Variants in HMCN1 observed in about 807,000 individuals in gnomAD.
HMCN1 encodes the protein hemicentin 1, also known as hemicentin-1.
HMCN1 carries 321 observed loss-of-function variants against 625.9 expected under a neutral mutation model. The ratio of observed to expected loss-of-function variants is 0.51; its 90% confidence interval spans 0.47 to 0.56. The LOEUF (loss-of-function observed/expected upper bound fraction) is 0.56, where lower values mean the gene tolerates loss of function less well. Among genes scored for constraint, HMCN1 ranks in the 20% least tolerant of loss-of-function variants. The pLI is 0.00. For synonymous variants in HMCN1, 2,425 were observed against 2,417.6 expected (o/e 1.00, Z -0.09); for missense variants, 6,588 against 6,887.3 (o/e 0.96, Z 1.54).
chr1:186,136,921 G>A lies in HMCN1; in HGVS notation c.13566G>A (p.Val4522=). 6.2e-7 allele frequency: 1 copy of A among 1,613,690 alleles called. No individual in the cohort carries two copies. Among genetic ancestry groups the A allele is most frequent in the South Asian group, 1.1e-5 (1 of 91,084 alleles). Residue 4522 remains valine, a synonymous_variant, in exon 87 of 107, where the codon GTG becomes GTA. Transcript: ENST00000271588. ...RNLMGSVLVR[V]PVIVQVHGGF... is the part of the protein sequence containing the mutation. ...TAATGGGTTCTGTCCTTGTCAGAGT[G>A]CCAGTCATAGTCCAGGGTGAGTGTG...
chr1:185,753,588 T>G (rs1654950124), intron 1 of HMCN1, among the ~76,000 whole-genome samples: 1 of 152,216 alleles, frequency 6.6e-6, no homozygotes, highest in Non-Finnish European at 1.5e-5. Flanking sequence ...AACTTCGTCA[T>G]TTATTTTCAT....
At chr1:186,123,258 C>T (rs1661484440) in intron 81 of HMCN1, 38 bp downstream of exon 81, 2 of 1,593,510 alleles carry the variant, frequency 1.3e-6, no homozygotes, top group African/African-American at 1.3e-5. Flanking sequence ...GTCTGCTGCA[C>T]TACCATGGCA....
Position 186,079,310 on chromosome 1 carries a change from C to T in HMCN1, c.8599+1090C>T, listed in dbSNP as rs147386960. ...CAGCTTAACTCTTTCTCTCTGGGGA[C>T]GAGCTGGTTCCTGCCTGCCTTAAAG... is the stretch of plus-strand genomic sequence containing the variant. On this transcript the variant is annotated intron_variant, in intron 55 of 106. Transcript: ENST00000271588. Among the ~76,000 whole-genome samples, 58 of 152,250 alleles carry T rather than the reference C, an allele frequency of 3.8e-4. No individual in the cohort carries two copies. The East Asian group carries it at 7.7e-3, about 20-fold the overall frequency.
In HMCN1 at chr1:186,037,976, C is replaced by A; in HGVS notation, c.5792C>A (p.Thr1931Asn). ...GATGCTGGAAAAATGCTGAATGAGA[C>A]TGTGTTGGTGAGCAACCCTGTACAG... ...LEDAGKMLNE[T>N]VLVSNPVQLE... Residue 1931 changes from threonine (T) to asparagine (N), a missense_variant, in exon 37 of 107, where the codon ACT becomes AAT. Thr to Asn is a moderately conservative substitution (Grantham distance 65, BLOSUM62 0). Around this residue, in one of 3 missense-constraint regions of HMCN1, gnomAD observed 4,628 missense variants for 4,853.1 expected, o/e 0.95. Transcript: ENST00000271588. 1 of 1,613,332 alleles carries A rather than the reference C, an allele frequency of 6.2e-7. No homozygotes were observed. Among genetic ancestry groups the A allele is most frequent in the Non-Finnish European group, 8.5e-7 (1 of 1,179,440 alleles).
intron 106 of HMCN1, among the ~76,000 whole-genome samples, chr1:186,188,305 G>T (rs1223754556): frequency 6.6e-6 from 1 of 152,184 alleles, no homozygotes; most frequent in African/African-American, 2.4e-5. Flanking sequence ...TTGATGGAGT[G>T]ATAGAGCCTG....
chr1:186,137,897 T>C lies in HMCN1; in HGVS notation c.13849T>C (p.Ser4617Pro). 1 of 1,614,050 alleles carries C rather than the reference T, an allele frequency of 6.2e-7. No individual in the cohort carries two copies. The highest frequency in any genetic ancestry group is 8.5e-7 in the Non-Finnish European group (1 of 1,179,978). Residue 4617 changes from serine to proline, a missense_variant, in exon 89 of 107, where the codon TCA (serine) becomes CCA (proline). Transcript: ENST00000271588. ...QTRTRTCNNP[S>P]VQHGGRPCEG... ...CAGGACCAGGACTTGCAATAATCCA[T>C]CAGTTCAGCATGGTGGGCGGCCATG...
At chr1:186,098,112 CA>C (rs1358711828) in intron 68 of HMCN1, among the ~76,000 whole-genome samples, 1 of 151,796 alleles carries the variant, frequency 6.6e-6, no homozygotes, top group Admixed American at 6.6e-5. Context: ...GATGAAAACA[CA>C]GAGGAAACAC....
chr1:186,006,467 A>G (rs902579898), intron 29 of HMCN1, among the ~76,000 whole-genome samples: 1 of 152,170 alleles, frequency 6.6e-6, no homozygotes, highest in Non-Finnish European at 1.5e-5. Context: ...TGCCAATTAC[A>G]TAAACTGAGC....
intron 3 of HMCN1, 149 bp downstream of exon 3, chr1:185,864,777 TTTAAACATA>T: frequency 1.3e-6 from 1 of 748,984 alleles, no homozygotes; most frequent in Non-Finnish European, 2.3e-6. Context: ...TGTCATCTGA[TTTAAACATA>T]TTAAACATAT....
intron 4 of HMCN1, among the ~76,000 whole-genome samples, chr1:185,892,181 T>C (rs962551122): frequency 1.3e-5 from 2 of 148,982 alleles, no homozygotes; most frequent in Non-Finnish European, 2.9e-5. Flanking sequence ...TAAGCACCTC[T>C]CTGTATTGGT....
chr1:186,122,848 T>G (rs922027383), intron 80 of HMCN1, 103 bp from the exon 81 acceptor site: 10 of 1,233,458 alleles, frequency 8.1e-6, no homozygotes, highest in Non-Finnish European at 9.3e-6. Flanking sequence ...AAGTCAGGAT[T>G]TTGTTTCTTA....
At position 186,087,338 on chromosome 1, in the gene HMCN1, T is replaced by A; in HGVS notation, c.9160+8T>A. The stretch of plus-strand genomic sequence containing the variant: ...TTTCCCTGACTGTTTATGGTTCGTT[T>A]TTACTCTCTTCATAAAATTCTTTTA... On this transcript the variant is annotated splice_region_variant and intron_variant, in intron 59 of 106. Coordinates refer to ENST00000271588, the MANE Select transcript of HMCN1 (RefSeq NM_031935.3). 6.2e-7 allele frequency: 1 copy of A among 1,607,664 alleles called. No individual in the cohort carries two copies. Among genetic ancestry groups the A allele is most frequent in the Non-Finnish European group, 8.5e-7 (1 of 1,174,434 alleles).
chr1:185,806,805 C>T (rs1030010604), intron 1 of HMCN1, among the ~76,000 whole-genome samples: 1 of 151,948 alleles, frequency 6.6e-6, no homozygotes, highest in Non-Finnish European at 1.5e-5. Context: ...ATAAAATGCC[C>T]ACTGTGTTTT....
intron 55 of HMCN1, among the ~76,000 whole-genome samples, chr1:186,078,808 G>A (rs1314962160): frequency 6.6e-6 from 1 of 152,198 alleles, no homozygotes; most frequent in Non-Finnish European, 1.5e-5. Context: ...TAGTTCATGT[G>A]TCCAACCTTG....
chr1:186,187,891 G>C lies in HMCN1; in HGVS notation c.16423G>C (p.Glu5475Gln). Residue 5475 changes from glutamate (E) to glutamine (Q), a missense_variant, in exon 106 of 107, where the codon GAA becomes CAA. Physicochemically the swap from Glu to Gln is conservative, Grantham distance 29 (BLOSUM62 2). Coordinates refer to ENST00000271588, the MANE Select transcript of HMCN1 (RefSeq NM_031935.3). ...HNGKTCQDID[E>Q]CLEQNVHCGP... Reference sequence around the variant, plus strand: ...CCCTGTGCTGTCCCTAGATATCGATGAATGTCTGGAGCAGAATGTGCACTG... The same window carrying C: ...CCCTGTGCTGTCCCTAGATATCGATCAATGTCTGGAGCAGAATGTGCACTG... The C allele has an allele frequency of 6.2e-7, 1 of 1,613,720 alleles. No individual in the cohort carries two copies. The highest frequency in any genetic ancestry group is 8.5e-7 in the Non-Finnish European group (1 of 1,179,728).
At chr1:186,001,247 A>G (rs746444795) in intron 26 of HMCN1, 51 bp from the exon 27 acceptor site, 2 of 1,528,826 alleles carry the variant, frequency 1.3e-6, no homozygotes, top group South Asian at 2.3e-5. Flanking sequence ...GAAACTCTAT[A>G]AATAATATTT....
At chr1:186,119,017 A>G (rs781378745) in intron 77 of HMCN1, among the ~76,000 whole-genome samples, 174 bp from the exon 78 acceptor site, 1 of 152,236 alleles carries the variant, frequency 6.6e-6, no homozygotes, top group Non-Finnish European at 1.5e-5. Context: ...ATGCCTCAAT[A>G]AAGCTGTTAG....
chr1:186,107,075 A>G (rs750046868), intron 70 of HMCN1, 110 bp downstream of exon 70: 6 of 789,354 alleles, frequency 7.6e-6, no homozygotes, highest in African/African-American at 1.7e-5. Context: ...GGGAATATAT[A>G]TTTTGCAAAT....
At chr1:186,008,327 C>G (rs1442112668) in intron 30 of HMCN1, among the ~76,000 whole-genome samples, 3 of 152,028 alleles carry the variant, frequency 2.0e-5, no homozygotes, top group Non-Finnish European at 2.9e-5. Context: ...AACTAAGATG[C>G]ACTGTTATAT....
Sources: gnomAD v4.1 joint callset for allele counts (sites outside exome capture counted in the v4.1 genomes callset) on GRCh38, gnomAD v4.1.1 for gene constraint, gnomAD v4.1.1 regional missense constraint, MANE v1.5 for transcripts, NCBI Gene and HGNC (gene_info 2026-07-23, HGNC 2026-07-21) for gene names.